The following VPS13B variants were observed in gnomAD, a reference collection of about 807,000 sequenced individuals.
VPS13B encodes intermembrane lipid transfer protein VPS13B.
A neutral mutation model predicts 426.4 loss-of-function variants in VPS13B; 285 were observed. The ratio of observed to expected loss-of-function variants is 0.67; its 90% CI spans 0.61 to 0.74. The LOEUF (loss-of-function observed/expected upper bound fraction) is 0.74. VPS13B is among the 30% of genes least tolerant of loss of function. VPS13B has a pLI of 0.00. For missense variants in VPS13B, 4,537 were observed against 4,782.6 expected (o/e 0.95, Z 1.51); for synonymous variants, 1,676 against 1,676.4 (o/e 1.00, Z 0.01).
intron 54 of VPS13B, among the ~76,000 whole-genome samples, chr8:99,840,667 A>T (rs1815637991): frequency 6.6e-6 from 1 of 152,220 alleles, no homozygotes; most frequent in Admixed American, 6.5e-5. Context: ...ACAGTATAAG[A>T]TATTATCTAC....
chr8:99,230,975 A>G (rs1816291569), intron 17 of VPS13B, among the ~76,000 whole-genome samples: 1 of 152,186 alleles, frequency 6.6e-6, no homozygotes, highest in African/African-American at 2.4e-5. Context: ...TAGCAGCCTA[A>G]CATTTCTTTG....
chr8:99,255,490 G>A (rs1817700326), intron 17 of VPS13B, among the ~76,000 whole-genome samples: 1 of 152,134 alleles, frequency 6.6e-6, no homozygotes. Context: ...ATTCTGTGTT[G>A]TGTTTAAACC....
rs1276931071 is a variant in VPS13B, at chr8:99,435,284, A to G, written c.3210+3620A>G. On this transcript the variant is annotated intron_variant, in intron 22 of 61. Transcript: ENST00000357162. The stretch of plus-strand genomic sequence containing the variant: ...CTATAGATCTAAATGCTATTTCATG[A>G]TAATAGAAGTAGTTATATTAAAAAT... 3.3e-5 allele frequency among the ~76,000 whole-genome samples: 5 copies of G among 152,192 alleles called. No homozygotes were observed. The East Asian group carries it at 9.6e-4, about 29-fold the overall frequency.
chr8:99,722,701 G>A (rs564441716), intron 39 of VPS13B, among the ~76,000 whole-genome samples: 1 of 151,934 alleles, frequency 6.6e-6, no homozygotes, highest in Non-Finnish European at 1.5e-5. Flanking sequence ...TAGAGATGGG[G>A]TTTCACCATG....
intron 28 of VPS13B, chr8:99,508,015 A>G (rs2133627219): frequency 1.9e-6 from 3 of 1,541,038 alleles, no homozygotes; most frequent in Middle Eastern, 1.8e-4. Context: ...GTTTTCCTCC[A>G]TATCATAAAC....
intron 6 of VPS13B, among the ~76,000 whole-genome samples, chr8:99,111,607 A>G (rs1847373048): frequency 6.6e-6 from 1 of 152,054 alleles, no homozygotes; most frequent in South Asian, 2.1e-4. Context: ...ACTGCATATC[A>G]GTATTCTGTA....
chr8:99,511,861 A>G (rs1821806743), intron 29 of VPS13B, among the ~76,000 whole-genome samples: 1 of 152,318 alleles, frequency 6.6e-6, no homozygotes, highest in African/African-American at 2.4e-5. Context: ...AACAAGGTCA[A>G]GCACAGTGGC....
At chr8:99,634,527 A>G (rs1024192917) in intron 33 of VPS13B, among the ~76,000 whole-genome samples, 8 of 152,030 alleles carry the variant, frequency 5.3e-5, no homozygotes, top group African/African-American at 1.9e-4. Context: ...AGTGATGGGT[A>G]TCATTAGTTC....
chr8:99,371,906 A>G (rs1813200229), intron 19 of VPS13B, among the ~76,000 whole-genome samples: 1 of 152,216 alleles, frequency 6.6e-6, no homozygotes, highest in South Asian at 2.1e-4. Flanking sequence ...ACCCAAAATC[A>G]TAAAAACCCT....
In VPS13B at chr8:99,784,332, A is replaced by G. The variant is rs760168037; in HGVS notation, c.7797A>G (p.Val2599=). ...TCTTTCAGAACAAATGCCCTGAGGT[A>G]GAGGAGTTGGTCTTCAGCCATTTTG... ...QAWQQNKCPE[V]EELVFSHFVI... Residue 2599 remains valine, a synonymous_variant, in exon 43 of 62, where the codon GTA becomes GTG. Coordinates refer to ENST00000357162, the MANE Select transcript of VPS13B (RefSeq NM_152564.5). 6.2e-7 allele frequency: 1 copy of G among 1,613,652 alleles called. No homozygotes were observed. The highest frequency in any genetic ancestry group is 8.5e-7 in the Non-Finnish European group (1 of 1,179,660).
intron 7 of VPS13B, chr8:99,120,535 C>T (rs1847885790): frequency 6.6e-6 from 1 of 152,108 alleles, no homozygotes; most frequent in Admixed American, 6.5e-5. Context: ...AATTTCTTGG[C>T]TATAATTTTT....
At chr8:99,243,364 A>C (rs1354521141) in intron 17 of VPS13B, among the ~76,000 whole-genome samples, 1 of 152,172 alleles carries the variant, frequency 6.6e-6, no homozygotes, top group Non-Finnish European at 1.5e-5. Context: ...TACCAGAGAA[A>C]GGGAATAGTA....
intron 5 of VPS13B, among the ~76,000 whole-genome samples, chr8:99,105,615 G>A (rs1323049175): frequency 6.6e-6 from 1 of 152,152 alleles, no homozygotes; most frequent in African/African-American, 2.4e-5. Flanking sequence ...CTGACCTCAA[G>A]TGATCTGCCT....
At chr8:99,558,824 GT>G (rs1824733366) in intron 31 of VPS13B, among the ~76,000 whole-genome samples, 1 of 152,150 alleles carries the variant, frequency 6.6e-6, no homozygotes, top group African/African-American at 2.4e-5. Flanking sequence ...GGACATTTGG[GT>G]TGGTTCCAAG....
At chr8:99,023,441 A>G (rs1481766699) in intron 2 of VPS13B, among the ~76,000 whole-genome samples, 1 of 151,114 alleles carries the variant, frequency 6.6e-6, no homozygotes, top group Non-Finnish European at 1.5e-5. Flanking sequence ...GCATAATAGT[A>G]TTCCGTTGTG....
At chr8:99,342,082 G>A (rs1307583312) in intron 19 of VPS13B, among the ~76,000 whole-genome samples, 1 of 152,028 alleles carries the variant, frequency 6.6e-6, no homozygotes, top group African/African-American at 2.4e-5. Context: ...ATTTTAGATT[G>A]TATACTCTTT....
At chr8:99,834,471 T>C (rs992395955) in intron 52 of VPS13B, among the ~76,000 whole-genome samples, 4 of 152,024 alleles carry the variant, frequency 2.6e-5, no homozygotes, top group Admixed American at 2.0e-4. Context: ...TGCCTACCTC[T>C]AGAAAAAAAA....
intron 19 of VPS13B, among the ~76,000 whole-genome samples, chr8:99,380,876 CTTTTTTTTTTT>C (rs796801783): frequency 1.5e-5 from 2 of 132,268 alleles, no homozygotes; most frequent in South Asian, 2.4e-4. Flanking sequence ...CTTTTTCTTT[CTTTTTTTTTTT>C]TTTAAAAAAA....
intron 33 of VPS13B, among the ~76,000 whole-genome samples, chr8:99,620,824 T>C (rs1292921059): frequency 6.7e-6 from 1 of 149,914 alleles, no homozygotes; most frequent in Non-Finnish European, 1.5e-5. Context: ...AAAAAAAATA[T>C]ACAAAATACA....
Sources: gnomAD v4.1 joint callset for allele counts (sites outside exome capture counted in the v4.1 genomes callset) on GRCh38, gnomAD v4.1.1 for gene constraint, MANE v1.5 for transcripts, NCBI Gene and HGNC (gene_info 2026-07-23, HGNC 2026-07-21) for gene names.